CEP85L: variants seen among roughly 807,000 people sequenced by gnomAD.
The protein encoded by CEP85L is centrosomal protein 85L.
A neutral mutation model predicts 100.3 loss-of-function variants in CEP85L; 60 were observed. The ratio of observed to expected loss-of-function variants is 0.60; its 90% CI spans 0.49 to 0.74. The LOEUF (loss-of-function observed/expected upper bound fraction) is 0.74, where lower values mean the gene tolerates loss of function less well. CEP85L is among the 30% of genes least tolerant of loss of function. The pLI is 0.00. For missense variants in CEP85L, 973 were observed against 936.2 expected (o/e 1.04, Z -0.51); for synonymous variants, 319 against 322.7 (o/e 0.99, Z 0.12).
intron 2 of CEP85L, among the ~76,000 whole-genome samples, chr6:118,590,975 G>A (rs772460707): frequency 5.9e-5 from 9 of 152,084 alleles, no homozygotes; most frequent in Non-Finnish European, 8.8e-5. Flanking sequence ...TGTGACAAGA[G>A]CCCTTCCAGG....
At chr6:118,592,363 A>C (rs1178450739) in intron 2 of CEP85L, among the ~76,000 whole-genome samples, 2 of 141,600 alleles carry the variant, frequency 1.4e-5, no homozygotes, top group African/African-American at 5.3e-5. Context: ...AGTAAAAAGG[A>C]GATAATTGTA....
At chr6:118,479,443 C>G (rs570922189) in intron 10 of CEP85L, among the ~76,000 whole-genome samples, 5 of 152,136 alleles carry the variant, frequency 3.3e-5, no homozygotes, top group Non-Finnish European at 5.9e-5. Context: ...GCTTGGAATG[C>G]TCTTCCCCTG....
intron 3 of CEP85L, chr6:118,537,931 A>G: frequency 2.0e-6 from 2 of 979,934 alleles, no homozygotes; most frequent in Non-Finnish European, 2.4e-6. Flanking sequence ...GTTTTCTGGT[A>G]AGAGTCATAC....
At chr6:118,628,493 A>C (rs1233576600) in intron 2 of CEP85L, among the ~76,000 whole-genome samples, 1 of 152,060 alleles carries the variant, frequency 6.6e-6, no homozygotes, top group Non-Finnish European at 1.5e-5. Flanking sequence ...AACTCTTAAA[A>C]CTGAAAATAA....
intron 6 of CEP85L, among the ~76,000 whole-genome samples, chr6:118,490,824 T>C (rs1165675710): frequency 2.0e-5 from 3 of 152,132 alleles, no homozygotes; most frequent in Admixed American, 6.5e-5. Context: ...TAAAAGAATA[T>C]ATACCATGTA....
In CEP85L at chr6:118,531,448, C is replaced by T. The variant is rs1476076471; in HGVS notation, c.1021-7528G>A. On this transcript the variant is annotated intron_variant, in intron 3 of 12. Transcript: ENST00000368491. ...AGGAAATACCATTGTGGACACAGGC[C>T]TTGGCAAAGATTTCATGATGAAGAC... 2.0e-5 allele frequency among the ~76,000 whole-genome samples: 3 copies of T among 152,100 alleles called. No homozygotes were observed. The South Asian group carries it at 6.2e-4, about 32-fold the overall frequency.
At chr6:118,604,214 C>T (rs1321890976) in intron 2 of CEP85L, among the ~76,000 whole-genome samples, 2 of 152,152 alleles carry the variant, frequency 1.3e-5, no homozygotes, top group East Asian at 1.9e-4. Flanking sequence ...CAATCTTAAT[C>T]GGTTTGACCA....
At chr6:118,653,304 G>A (rs1044246042), upstream of CEP85L, among the ~76,000 whole-genome samples, 2 of 152,112 alleles carry the variant, frequency 1.3e-5, no homozygotes, top group African/African-American at 2.4e-5. Flanking sequence ...TTGGCACTTG[G>A]CACCAAATAT....
At chr6:118,509,167 C>T (rs1775826028) in intron 5 of CEP85L, among the ~76,000 whole-genome samples, 1 of 152,040 alleles carries the variant, frequency 6.6e-6, no homozygotes, top group African/African-American at 2.4e-5. Context: ...TTTTATTTGT[C>T]CTTGCACGCT....
chr6:118,581,366 C>A (rs1252449034), intron 2 of CEP85L, among the ~76,000 whole-genome samples: 1 of 152,104 alleles, frequency 6.6e-6, no homozygotes, highest in African/African-American at 2.4e-5. Flanking sequence ...AGAGTTCAAT[C>A]TAGCATAACC....
intron 5 of CEP85L, chr6:118,501,573 A>C: frequency 1.9e-6 from 1 of 538,410 alleles, no homozygotes. Flanking sequence ...AAGAACAGTG[A>C]AGAACTAACG....
intron 5 of CEP85L, among the ~76,000 whole-genome samples, chr6:118,494,806 C>A (rs991194434): frequency 6.6e-6 from 1 of 152,028 alleles, no homozygotes; most frequent in Non-Finnish European, 1.5e-5. Context: ...AGGCAAAAAA[C>A]GCAGTTTGAA....
intron 4 of CEP85L, among the ~76,000 whole-genome samples, chr6:118,522,366 T>C (rs1290183736): frequency 6.6e-6 from 1 of 152,036 alleles, no homozygotes; most frequent in African/African-American, 2.4e-5. Flanking sequence ...ATTTCAATTA[T>C]ATAAAATTGC....
intron 2 of CEP85L, among the ~76,000 whole-genome samples, chr6:118,619,002 A>G (rs1469629631): frequency 6.6e-6 from 1 of 151,908 alleles, no homozygotes; most frequent in Non-Finnish European, 1.5e-5. Flanking sequence ...GATGATTTCC[A>G]TTCTGCCGGT....
intron 1 of CEP85L, among the ~76,000 whole-genome samples, chr6:118,672,761 G>A (rs1419232868): frequency 1.3e-5 from 2 of 150,250 alleles, no homozygotes; most frequent in African/African-American, 4.9e-5. Flanking sequence ...GTGAGATCCT[G>A]TCTCAGAAGA....
intron 3 of CEP85L, among the ~76,000 whole-genome samples, chr6:118,549,389 G>A (rs1048179134): frequency 6.6e-6 from 1 of 151,708 alleles, no homozygotes; most frequent in African/African-American, 2.4e-5. Flanking sequence ...CCTCAATTTA[G>A]TAAATGAAAC....
intron 3 of CEP85L, among the ~76,000 whole-genome samples, chr6:118,547,247 C>T (rs1315383844): frequency 6.6e-6 from 1 of 152,030 alleles, no homozygotes; most frequent in East Asian, 1.9e-4. Flanking sequence ...GAGAATGATG[C>T]CCGGCTTTAC....
chr6:118,481,878 T>C lies in CEP85L; in HGVS notation c.1646A>G (p.Glu549Gly). The C allele has an allele frequency of 6.3e-7, 1 of 1,591,438 alleles. No individual in the cohort carries two copies. The highest frequency in any genetic ancestry group is 8.6e-7 in the Non-Finnish European group (1 of 1,166,640). The change falls in exon 8 of 13, where the codon GAA becomes GGA. Residue 549 changes from glutamate to glycine, a missense_variant. Glu to Gly is a moderately conservative substitution (Grantham distance 98, BLOSUM62 -2). Coordinates refer to ENST00000368491, the MANE Select transcript of CEP85L (RefSeq NM_001042475.3). Reference sequence around the variant, plus strand: ...CTTTTTGATCTCTTCAAGTTTTTTTTCTGTATCTATCAAAGCCTCTTGTAA... The same window carrying C: ...CTTTTTGATCTCTTCAAGTTTTTTTCCTGTATCTATCAAAGCCTCTTGTAA... ...KNLQEALIDT[E>G]KKLEEIKKQC... is the part of the protein sequence containing the mutation.
chr6:118,584,925 C>T (rs1194559043), intron 2 of CEP85L, among the ~76,000 whole-genome samples: 2 of 152,296 alleles, frequency 1.3e-5, no homozygotes, highest in East Asian at 1.9e-4. Context: ...TAAATCCAGC[C>T]GCCTTCCACC....
Sources: allele counts gnomAD v4.1 joint callset (sites outside exome capture counted in the v4.1 genomes callset), GRCh38; gene constraint gnomAD v4.1.1; transcripts MANE v1.5; gene names NCBI Gene and HGNC (gene_info 2026-07-23, HGNC 2026-07-21).